Variants in TMEM184B observed in about 807,000 individuals in gnomAD.
The protein encoded by TMEM184B is transmembrane protein 184B.
In TMEM184B, 17 loss-of-function variants were observed where a neutral mutation model predicts 41.8. That is an observed-to-expected ratio of 0.41 (90% CI 0.28 to 0.61). The LOEUF is 0.61. TMEM184B is among the 20% of genes least tolerant of loss of function. The probability of loss-of-function intolerance (pLI) is 0.34; values close to 1 mark genes in which losing one functional copy is unlikely to be tolerated. For synonymous variants in TMEM184B, 240 were observed against 229.5 expected (o/e 1.05, Z -0.41); for missense variants, 393 against 557.8 (o/e 0.70, Z 2.98).
intron 1 of TMEM184B, among the ~76,000 whole-genome samples, chr22:38,269,491 G>C (rs2092490352): frequency 6.6e-6 from 1 of 152,064 alleles, no homozygotes; most frequent in Admixed American, 6.6e-5. Context: ...TTGGATTACA[G>C]GCATGAGCCA....
intron 3 of TMEM184B, among the ~76,000 whole-genome samples, chr22:38,232,585 G>C (rs532412878): frequency 6.6e-6 from 1 of 152,302 alleles, no homozygotes; most frequent in South Asian, 2.1e-4. Context: ...AAGGCCAAGG[G>C]GAGGGGCAGA....
intron 1 of TMEM184B, among the ~76,000 whole-genome samples, chr22:38,255,099 C>T (rs775850001): frequency 6.6e-6 from 1 of 152,176 alleles, no homozygotes; most frequent in Non-Finnish European, 1.5e-5. Flanking sequence ...GATCCTGGCT[C>T]ACTGCAACCT....
At position 38,219,492 on chromosome 22, in the gene TMEM184B, T is replaced by C; in HGVS notation, c.*1977A>G. 5.1e-6 allele frequency: 5 copies of C among 985,572 alleles called. No individual in the cohort carries two copies. Among genetic ancestry groups the C allele is most frequent in the Non-Finnish European group, 6.0e-6 (5 of 829,856 alleles). The allele number at this position is 985,572 out of a possible 1,614,324, so 61.1% of individuals were successfully genotyped here. ...ATACAATTAATTTTTCAAGTATTCT[T>C]TATGTACAAAGAGCTACTCTACCTG... On this transcript the variant is annotated 3_prime_UTR_variant, in exon 9 of 9. Coordinates refer to ENST00000361906, the MANE Select transcript of TMEM184B (RefSeq NM_012264.5).
rs1396982803 is a variant in TMEM184B, at chr22:38,256,840, T to G, written c.-58-8821A>C. Among the ~76,000 whole-genome samples the G allele has an allele frequency of 2.6e-5, 4 of 152,190 alleles. No homozygotes were observed. The South Asian group carries it at 6.2e-4, about 24-fold the overall frequency. On this transcript the variant is annotated intron_variant, in intron 1 of 8. Coordinates refer to ENST00000361906, the MANE Select transcript of TMEM184B (RefSeq NM_012264.5). The stretch of plus-strand genomic sequence containing the variant: ...GATAAAGACTTTTTAAACTTTCTAT[T>G]TTGAAATAATCGTAGGTTCACAGGA...
At chr22:38,266,260 C>T (rs991135845) in intron 1 of TMEM184B, among the ~76,000 whole-genome samples, 1 of 152,260 alleles carries the variant, frequency 6.6e-6, no homozygotes, top group African/African-American at 2.4e-5. Context: ...GGCACACGTG[C>T]TTCCACGTTT....
chr22:38,248,787 A>T (rs1432694726), intron 1 of TMEM184B, among the ~76,000 whole-genome samples: 1 of 152,136 alleles, frequency 6.6e-6, no homozygotes, highest in Non-Finnish European at 1.5e-5. Flanking sequence ...GGTGGGCCTG[A>T]ACATCTTTAT....
At chr22:38,270,181 G>A (rs1020229330) in intron 1 of TMEM184B, among the ~76,000 whole-genome samples, 3 of 152,138 alleles carry the variant, frequency 2.0e-5, no homozygotes, top group South Asian at 2.1e-4. Flanking sequence ...TACCTGGAAC[G>A]CCCTCCTTCT....
In TMEM184B at chr22:38,268,386, A is replaced by AAG. The variant is rs1032318681; in HGVS notation, c.-59+4497_-59+4498insCT. Reference sequence around the variant, plus strand: ...GGAGACCCTGTCTCAAAAAAAAAAAAAAAAGAAAGAATTCTGGCAGACTCA... The same window carrying AAG: ...GGAGACCCTGTCTCAAAAAAAAAAAAAGAAAAGAAAGAATTCTGGCAGACTCA... On this transcript the variant is annotated intron_variant, in intron 1 of 8. Coordinates refer to ENST00000361906, the MANE Select transcript of TMEM184B (RefSeq NM_012264.5). 2.0e-4 allele frequency among the ~76,000 whole-genome samples: 30 copies of AAG among 151,716 alleles called. 1 individual carries two copies. The Middle Eastern group carries it at 0.014, about 69-fold the overall frequency.
rs572138061 is a variant in TMEM184B, at chr22:38,272,491, C to A, written c.-59+393G>T. 434 of 985,606 alleles carry A rather than the reference C, an allele frequency of 4.4e-4. No individual in the cohort carries two copies. The Middle Eastern group carries it at 0.011, about 26-fold the overall frequency. The allele number at this position is 985,606 out of a possible 1,614,324, so 61.1% of individuals were successfully genotyped here. A position where few individuals can be genotyped will look rare whatever the true frequency, so the allele number is the denominator to read the frequency against. On this transcript the variant is annotated intron_variant, in intron 1 of 8. Coordinates refer to ENST00000361906, the MANE Select transcript of TMEM184B (RefSeq NM_012264.5). Reference sequence around the variant, plus strand: ...CCCGCACAGGGCACGGACGCCTCCCCCACTCACTCGGCCGTGCCAGTCGCC... The same window carrying A: ...CCCGCACAGGGCACGGACGCCTCCCACACTCACTCGGCCGTGCCAGTCGCC...
chr22:38,227,027 A>G (rs1191769319), intron 5 of TMEM184B, among the ~76,000 whole-genome samples, 157 bp from the exon 6 acceptor site: 3 of 150,322 alleles, frequency 2.0e-5, no homozygotes, highest in Non-Finnish European at 4.4e-5. Context: ...GGATGGAGGG[A>G]CGAAGGGATG....
At chr22:38,257,414 A>C (rs1355274267) in intron 1 of TMEM184B, among the ~76,000 whole-genome samples, 1 of 152,184 alleles carries the variant, frequency 6.6e-6, no homozygotes, top group African/African-American at 2.4e-5. Flanking sequence ...AACCCGATTT[A>C]GAAAGAAAGC....
Position 38,225,553 on chromosome 22 carries a change from T to A in TMEM184B, c.658A>T (p.Ile220Phe). 6.2e-7 allele frequency: 1 copy of A among 1,605,240 alleles called. No homozygotes were observed. Among genetic ancestry groups the A allele is most frequent in the African/African-American group, 1.3e-5 (1 of 74,214 alleles). Residue 220 changes from isoleucine (I) to phenylalanine (F), a missense_variant, in exon 7 of 9, where the codon ATC becomes TTC. Physicochemically the swap from Ile to Phe is conservative, Grantham distance 21. Coordinates refer to ENST00000361906, the MANE Select transcript of TMEM184B (RefSeq NM_012264.5). The surrounding 1 kb of genome is among the most constrained non-coding windows in gnomAD (Gnocchi z 4.4). Reference protein sequence around the residue: ...GYLYVTIIYNISVSLALYALF... With the variant: ...GYLYVTIIYNFSVSLALYALF... ...GCGTAGAGGGCCAGGCTGACGGAGA[T>A]GTTGTAGATGATGGTCACGTAGAGG...
At chr22:38,247,728 C>A in intron 2 of TMEM184B, 42 bp downstream of exon 2, 1 of 1,573,888 alleles carries the variant, frequency 6.4e-7, no homozygotes, top group East Asian at 2.3e-5. Context: ...AGCCAGGAAC[C>A]TTTCTGGACC....
chr22:38,272,647 A>G, intron 1 of TMEM184B: 1 of 985,452 alleles, frequency 1.0e-6, no homozygotes. Flanking sequence ...TTGGCGTGGA[A>G]AGGGAGCGGG....
rs1433191995 is a variant in TMEM184B at position 38,247,753 on chromosome 22, T to G, written c.192+17A>C. On this transcript the variant is annotated intron_variant, in intron 2 of 8. Coordinates refer to ENST00000361906, the MANE Select transcript of TMEM184B (RefSeq NM_012264.5). ...CTTTCTGGACCTTTCTAGAGGCCCC[T>G]TGCCAGGCTTGGGTACCTGGTGGCA... The G allele has an allele frequency of 6.2e-7, 1 of 1,605,332 alleles. No homozygotes were observed. Among genetic ancestry groups the G allele is most frequent in the Non-Finnish European group, 8.5e-7 (1 of 1,174,314 alleles).
intron 3 of TMEM184B, among the ~76,000 whole-genome samples, chr22:38,240,545 G>A (rs1183881698): frequency 6.6e-6 from 1 of 152,038 alleles, no homozygotes; most frequent in East Asian, 1.9e-4. Flanking sequence ...GGAAGAAAGT[G>A]GAGGGGAAGA....
At position 38,225,560 on chromosome 22, in the gene TMEM184B, G is replaced by C. The variant is rs200376789; in HGVS notation, c.651C>G (p.Ile217Met). The stretch of plus-strand genomic sequence containing the variant: ...GGGCCAGGCTGACGGAGATGTTGTA[G>C]ATGATGGTCACGTAGAGGTAGCCAC... ...VTSGYLYVTIIYNISVSLALY... is the reference protein window; with the variant it reads ...VTSGYLYVTIMYNISVSLALY... The change falls in exon 7 of 9, where the codon ATC becomes ATG. Residue 217 changes from isoleucine (I) to methionine (M), a missense_variant. Ile to Met is a conservative substitution (Grantham distance 10). Transcript: ENST00000361906. The surrounding 1 kb of genome is among the most constrained non-coding windows in gnomAD (Gnocchi z 4.4). The C allele has an allele frequency of 3.6e-5, 58 of 1,607,300 alleles. No individual in the cohort carries two copies. Among genetic ancestry groups the C allele is most frequent in the Non-Finnish European group, 4.9e-5 (58 of 1,177,360 alleles).
intron 3 of TMEM184B, among the ~76,000 whole-genome samples, chr22:38,241,522 T>TA (rs1173089244): frequency 6.6e-4 from 59 of 89,298 alleles, no homozygotes; most frequent in African/African-American, 2.7e-3. Flanking sequence ...ACCTCATCTC[T>TA]ACAAAAAAAA....
intron 3 of TMEM184B, among the ~76,000 whole-genome samples, chr22:38,233,231 G>C (rs1480284521): frequency 6.6e-6 from 1 of 152,202 alleles, no homozygotes; most frequent in Admixed American, 6.5e-5. Flanking sequence ...GCATCCCCAT[G>C]TATATGTCCC....
Sources: allele counts gnomAD v4.1 joint callset (sites outside exome capture counted in the v4.1 genomes callset), GRCh38; gene constraint gnomAD v4.1.1; non-coding constraint Gnocchi (gnomAD v3.1); transcripts MANE v1.5; gene names NCBI Gene and HGNC (gene_info 2026-07-23, HGNC 2026-07-21).